HEPACAM2: variants seen among roughly 807,000 people sequenced by gnomAD.
The protein encoded by HEPACAM2 is mitotic kinetics regulator.
HEPACAM2 carries 49 observed loss-of-function variants against 49.6 expected under a neutral mutation model. The observed-to-expected ratio is 0.99, with a 90% confidence interval of 0.78 to 1.25. The LOEUF (loss-of-function observed/expected upper bound fraction) is 1.25, where lower values mean the gene tolerates loss of function less well. Among genes scored for constraint, HEPACAM2 ranks in the 50% most tolerant of loss-of-function variants. HEPACAM2 has a pLI of 0.00. For missense variants in HEPACAM2, 525 were observed against 557.2 expected, an observed-to-expected ratio of 0.94 and a Z score of 0.58; for synonymous variants, 197 against 202.9, an observed-to-expected ratio of 0.97 and a Z score of 0.25.
intron 9 of HEPACAM2, among the ~76,000 whole-genome samples, chr7:93,190,614 T>G (rs1793519557): frequency 6.6e-6 from 1 of 152,016 alleles, no homozygotes; most frequent in Non-Finnish European, 1.5e-5. Context: ...CAATAGCGGT[T>G]TTGAATACTT....
chr7:93,229,301 C>A (rs1794588599), upstream of HEPACAM2, among the ~76,000 whole-genome samples: 2 of 152,304 alleles, frequency 1.3e-5, no homozygotes, highest in South Asian at 4.1e-4. Context: ...CTTGATCTAT[C>A]TTATATGGCT....
intron 8 of HEPACAM2, 143 bp from the exon 9 acceptor site, chr7:93,192,506 C>A (rs1793579994): frequency 3.1e-6 from 2 of 642,404 alleles, no homozygotes; most frequent in Admixed American, 2.7e-5. Context: ...TTGACTTCCT[C>A]CTTGCTACAC....
upstream of HEPACAM2, among the ~76,000 whole-genome samples, chr7:93,229,169 T>A (rs1419967976): frequency 1.3e-5 from 2 of 152,160 alleles, no homozygotes; most frequent in Non-Finnish European, 2.9e-5. Flanking sequence ...TTCTTATTGT[T>A]GTAATTAGTG....
intron 1 of HEPACAM2, among the ~76,000 whole-genome samples, chr7:93,225,721 AG>A (rs1173820548): frequency 1.3e-5 from 2 of 152,182 alleles, no homozygotes; most frequent in Admixed American, 1.3e-4. Context: ...TAAACTCAAA[AG>A]ATAAAGAGGA....
chr7:93,202,959 G>A (rs1793933193), intron 4 of HEPACAM2, among the ~76,000 whole-genome samples: 1 of 151,984 alleles, frequency 6.6e-6, no homozygotes, highest in Non-Finnish European at 1.5e-5. Context: ...GACCTAATTT[G>A]CACACATTCT....
chr7:93,213,375 T>TC (rs1794224993), intron 3 of HEPACAM2, among the ~76,000 whole-genome samples: 1 of 152,058 alleles, frequency 6.6e-6, no homozygotes, highest in Non-Finnish European at 1.5e-5. Flanking sequence ...ATTATACTTT[T>TC]TCTGCCAAAA....
chr7:93,211,489 A>G (rs1340594410), intron 3 of HEPACAM2, among the ~76,000 whole-genome samples: 1 of 151,986 alleles, frequency 6.6e-6, no homozygotes. Flanking sequence ...ATTCCACTAA[A>G]CAGTAAGTAG....
the HEPACAM2 span, among the ~76,000 whole-genome samples, chr7:93,231,562 T>A: frequency 4.6e-5 from 7 of 152,230 alleles, no homozygotes; most frequent in Non-Finnish European, 1.0e-4. Context: ...TAGCTATCAT[T>A]GTTAGCTTTA....
chr7:93,199,709 C>T (rs1793831659), intron 4 of HEPACAM2, among the ~76,000 whole-genome samples: 1 of 151,984 alleles, frequency 6.6e-6, no homozygotes, highest in African/African-American at 2.4e-5. Flanking sequence ...ACAAAGTCTT[C>T]AAAAAATTGC....
intron 4 of HEPACAM2, among the ~76,000 whole-genome samples, chr7:93,203,586 T>C (rs1163126872): frequency 1.3e-5 from 2 of 152,228 alleles, no homozygotes; most frequent in African/African-American, 4.8e-5. Flanking sequence ...TATTTAAACA[T>C]GATGGACTCA....
intron 1 of HEPACAM2, among the ~76,000 whole-genome samples, chr7:93,222,431 C>G (rs1028129936): frequency 6.6e-6 from 1 of 151,834 alleles, no homozygotes; most frequent in African/African-American, 2.4e-5. Context: ...AAAATATTTA[C>G]AAGTGTTTCA....
intron 4 of HEPACAM2, among the ~76,000 whole-genome samples, chr7:93,207,987 A>G (rs760630262): frequency 5.3e-5 from 8 of 152,062 alleles, no homozygotes; most frequent in Non-Finnish European, 1.2e-4. Flanking sequence ...TTAGGCCGTA[A>G]TTCTTAATCT....
chr7:93,221,078 C>T (rs553545909), intron 1 of HEPACAM2, among the ~76,000 whole-genome samples: 292 of 151,942 alleles, frequency 1.9e-3, no homozygotes, highest in African/African-American at 6.9e-3. Flanking sequence ...TGAAGAGGAC[C>T]AGAGAGATGG....
At position 93,219,422 on chromosome 7, in the gene HEPACAM2, G is replaced by A. The variant is rs750096728; in HGVS notation, c.109C>T (p.Pro37Ser). 5.6e-6 allele frequency: 9 copies of A among 1,613,934 alleles called. No individual in the cohort carries two copies. Among genetic ancestry groups the A allele is most frequent in the Non-Finnish European group, 6.8e-6 (8 of 1,179,916 alleles). Reference sequence around the variant, plus strand: ...CTGACGCCATGGACAGTGTGTGATGGCACTGTCACCTTCAGCCCCGAGCAA... The same window carrying A: ...CTGACGCCATGGACAGTGTGTGATGACACTGTCACCTTCAGCCCCGAGCAA... ...GACSGLKVTV[P>S]SHTVHGVRGQ... Residue 37 changes from proline to serine, a missense_variant, in exon 2 of 10, where the codon CCA becomes TCA. Transcript: ENST00000394468.
At chr7:93,190,350 C>G (rs568300748) in intron 9 of HEPACAM2, among the ~76,000 whole-genome samples, 1 of 151,596 alleles carries the variant, frequency 6.6e-6, no homozygotes, top group African/African-American at 2.4e-5. Flanking sequence ...ATAAGGGAGA[C>G]AGTTATGGAG....
upstream of HEPACAM2, among the ~76,000 whole-genome samples, chr7:93,228,262 T>C (rs1794573429): frequency 6.6e-6 from 1 of 152,330 alleles, no homozygotes; most frequent in African/African-American, 2.4e-5. Context: ...TTGTTGTATT[T>C]GAAAATATTC....
At chr7:93,206,782 A>T (rs1362873589) in intron 4 of HEPACAM2, among the ~76,000 whole-genome samples, 4 of 152,048 alleles carry the variant, frequency 2.6e-5, no homozygotes, top group Admixed American at 6.6e-5. Flanking sequence ...CACCATGACA[A>T]TATATACATC....
At position 93,197,471 on chromosome 7, in the gene HEPACAM2, T is replaced by C; in HGVS notation, c.1138+14A>G. 1 of 1,577,088 alleles carries C rather than the reference T, an allele frequency of 6.3e-7. No homozygotes were observed. Among genetic ancestry groups the C allele is most frequent in the Non-Finnish European group, 8.6e-7 (1 of 1,162,850 alleles). ...ATATACAGCTTCAATTTTTTTTTTGTAATTTTAACCTACCTTTGTAGGGTT... is the reference window on the plus strand; with the variant it reads ...ATATACAGCTTCAATTTTTTTTTTGCAATTTTAACCTACCTTTGTAGGGTT... On this transcript the variant is annotated intron_variant, in intron 5 of 9. Coordinates refer to ENST00000394468, the MANE Select transcript of HEPACAM2 (RefSeq NM_001039372.4).
At chr7:93,215,301 C>G (rs940964811) in intron 3 of HEPACAM2, 100 bp downstream of exon 3, 1 of 1,130,542 alleles carries the variant, frequency 8.8e-7, no homozygotes, top group Non-Finnish European at 1.3e-6. Flanking sequence ...TGGTAAAAAG[C>G]CAAATGACAT....
Sources: allele counts gnomAD v4.1 joint callset (sites outside exome capture counted in the v4.1 genomes callset), GRCh38; gene constraint gnomAD v4.1.1; transcripts MANE v1.5; gene names NCBI Gene and HGNC (gene_info 2026-07-23, HGNC 2026-07-21).